CACNA1E: variants seen among roughly 807,000 people sequenced by gnomAD.
CACNA1E encodes voltage-dependent R-type calcium channel subunit alpha-1E.
Under a neutral mutation model 259.2 loss-of-function variants are expected in CACNA1E, and 40 were observed. The observed-to-expected ratio is 0.15, with a 90% CI of 0.12 to 0.20. CACNA1E has a LOEUF of 0.20. Among genes scored for constraint, CACNA1E ranks in the 10% least tolerant of loss-of-function variants. The probability of loss-of-function intolerance (pLI) is 1.00; values close to 1 mark genes in which losing one functional copy is unlikely to be tolerated. For missense variants in CACNA1E, 1,874 were observed against 3,040.1 expected (o/e 0.62, Z 9.02); for synonymous variants, 1,104 against 1,138.5 (o/e 0.97, Z 0.61).
chr1:181,649,191 G>A (rs1190169579), intron 6 of CACNA1E, among the ~76,000 whole-genome samples: 4 of 152,132 alleles, frequency 2.6e-5, no homozygotes, highest in Non-Finnish European at 5.9e-5. Flanking sequence ...TTTCTCTGAG[G>A]TCTGGCCCAC....
chr1:181,446,468 A>G (rs956227205), intron 2 of CACNA1E, among the ~76,000 whole-genome samples: 2 of 152,218 alleles, frequency 1.3e-5, no homozygotes, highest in Non-Finnish European at 2.9e-5. Context: ...TCAGTGCACA[A>G]TGCGTAGAGG....
intron 33 of CACNA1E, among the ~76,000 whole-genome samples, chr1:181,763,143 A>G (rs1185706969): frequency 6.6e-6 from 1 of 152,116 alleles, no homozygotes; most frequent in Non-Finnish European, 1.5e-5. Context: ...GCCACTCAGT[A>G]GAAGACTAGG....
intron 7 of CACNA1E, among the ~76,000 whole-genome samples, chr1:181,705,338 G>A (rs993665322): frequency 1.3e-5 from 2 of 152,186 alleles, no homozygotes; most frequent in African/African-American, 2.4e-5. Flanking sequence ...AGAATTAGCT[G>A]TGTATGAATA....
chr1:181,643,202 C>A (rs551962138), intron 6 of CACNA1E, among the ~76,000 whole-genome samples: 51 of 152,280 alleles, frequency 3.3e-4, no homozygotes, highest in African/African-American at 1.1e-3. Flanking sequence ...CCCTATGTAA[C>A]CCACATCAGC....
intron 2 of CACNA1E, among the ~76,000 whole-genome samples, chr1:181,414,899 C>A (rs1314938149): frequency 1.3e-5 from 2 of 152,236 alleles, no homozygotes; most frequent in Non-Finnish European, 1.5e-5. Context: ...CAAAGTACTT[C>A]TCTCAACAAC....
intron 3 of CACNA1E, among the ~76,000 whole-genome samples, chr1:181,552,791 C>T (rs1432088856): frequency 6.6e-6 from 1 of 152,110 alleles, no homozygotes; most frequent in African/African-American, 2.4e-5. Flanking sequence ...CCTAACAGGC[C>T]CCTTTGCAGG....
chr1:181,716,144 T>C lies in CACNA1E; in HGVS notation c.1315+15T>C, dbSNP rs1180276726. The C allele has an allele frequency of 6.7e-7, 1 of 1,482,130 alleles. No individual in the cohort carries two copies. The highest frequency in any genetic ancestry group is 2.0e-5 in the Admixed American group (1 of 51,262). 91.8% of individuals were successfully genotyped at this position (1,482,130 alleles called of 1,614,324 possible). ...CTCCTCTGTGGGTGAGTGGATCCAG[T>C]TAGATCTTTTACTGCTCTGAATCTC... On this transcript the variant is annotated intron_variant, in intron 10 of 47. Coordinates refer to ENST00000367573, the MANE Select transcript of CACNA1E (RefSeq NM_001205293.3).
intron 1 of CACNA1E, among the ~76,000 whole-genome samples, chr1:181,344,482 G>A (rs1652432476): frequency 6.6e-6 from 1 of 152,122 alleles, no homozygotes; most frequent in African/African-American, 2.4e-5. Flanking sequence ...CCTGCCTCAG[G>A]GTCTTGAAAG....
chr1:181,453,026 G>A (rs1201619099), intron 2 of CACNA1E, among the ~76,000 whole-genome samples: 1 of 152,190 alleles, frequency 6.6e-6, no homozygotes, highest in Non-Finnish European at 1.5e-5. Flanking sequence ...AAATCTTGAT[G>A]GACTTGTATT....
intron 2 of CACNA1E, among the ~76,000 whole-genome samples, chr1:181,459,724 C>A (rs1359464929): frequency 6.6e-6 from 1 of 152,178 alleles, no homozygotes; most frequent in Non-Finnish European, 1.5e-5. Flanking sequence ...GCATGTAAAA[C>A]CCGACAGCAC....
chr1:181,378,359 T>C (rs905481293), intron 1 of CACNA1E, among the ~76,000 whole-genome samples: 1 of 152,220 alleles, frequency 6.6e-6, no homozygotes, highest in Non-Finnish European at 1.5e-5. Context: ...GGCAAGCACA[T>C]GAGGTGAACT....
chr1:181,477,994 C>A (rs1662975012), intron 2 of CACNA1E, among the ~76,000 whole-genome samples: 1 of 152,200 alleles, frequency 6.6e-6, no homozygotes, highest in African/African-American at 2.4e-5. Context: ...GACTCTTAAG[C>A]AAGGAAAATA....
chr1:181,373,573 T>A (rs1270879035), intron 1 of CACNA1E, among the ~76,000 whole-genome samples: 1 of 147,884 alleles, frequency 6.8e-6, no homozygotes, highest in Non-Finnish European at 1.5e-5. Context: ...AGACTCGCTC[T>A]GTCGCCCAGG....
intron 2 of CACNA1E, among the ~76,000 whole-genome samples, chr1:181,465,315 T>C (rs142705800): frequency 5.9e-5 from 9 of 152,334 alleles, no homozygotes; most frequent in African/African-American, 2.2e-4. Context: ...GTTGAATTTA[T>C]TTTTATTTAT....
intron 2 of CACNA1E, among the ~76,000 whole-genome samples, chr1:181,438,912 G>C (rs930338440): frequency 6.6e-6 from 1 of 152,190 alleles, no homozygotes; most frequent in African/African-American, 2.4e-5. Context: ...AGGCAACCTA[G>C]GTACCCATTC....
In CACNA1E at chr1:181,719,824, T is replaced by C. The variant is rs1406473143; in HGVS notation, c.1712T>C (p.Leu571Ser). 1 of 1,599,776 alleles carries C rather than the reference T, an allele frequency of 6.3e-7. No homozygotes were observed. The highest frequency in any genetic ancestry group is 8.5e-7 in the Non-Finnish European group (1 of 1,172,612). ...RPGTSFGISV[L>S]RALRLLRIFK... is the part of the protein sequence containing the mutation. ...GGTACGTCTTTTGGAATCAGTGTCT[T>C]GCGAGCCCTCCGGCTTCTAAGAATA... Residue 571 changes from leucine (L) to serine (S), a missense_variant, in exon 13 of 48, where the codon TTG becomes TCG. Physicochemically the swap from Leu to Ser is moderately radical, Grantham distance 145. Transcript: ENST00000367573.
intron 7 of CACNA1E, among the ~76,000 whole-genome samples, chr1:181,672,032 A>C (rs888687730): frequency 2.0e-5 from 3 of 152,248 alleles, no homozygotes; most frequent in Admixed American, 1.3e-4. Context: ...TGGTACATAT[A>C]CTCATGGAAT....
At chr1:181,336,764 TTTC>T (rs1265073281) in intron 1 of CACNA1E, among the ~76,000 whole-genome samples, 2 of 152,054 alleles carry the variant, frequency 1.3e-5, no homozygotes, top group Non-Finnish European at 2.9e-5. Context: ...ACCAATCTAC[TTTC>T]TGTCTCTCTG....
chr1:181,731,554 G>A (rs1218411781), intron 19 of CACNA1E, among the ~76,000 whole-genome samples: 6 of 152,300 alleles, frequency 3.9e-5, no homozygotes, highest in South Asian at 2.1e-4. Context: ...GGGCCTCAGC[G>A]AGGATGCGTG....
Sources: gnomAD v4.1 joint callset for allele counts (sites outside exome capture counted in the v4.1 genomes callset) on GRCh38, gnomAD v4.1.1 for gene constraint, MANE v1.5 for transcripts, NCBI Gene and HGNC (gene_info 2026-07-23, HGNC 2026-07-21) for gene names.